SPRY3: variants seen among roughly 807,000 people sequenced by gnomAD.
SPRY3 encodes protein sprouty homolog 3.
Under a neutral mutation model 20.2 loss-of-function variants are expected in SPRY3, and 15 were observed. The ratio of observed to expected loss-of-function variants is 0.74; its 90% CI spans 0.50 to 1.14. The LOEUF (loss-of-function observed/expected upper bound fraction) is 1.14, where lower values mean the gene tolerates loss of function less well. Among genes scored for constraint, SPRY3 ranks in the 50% most tolerant of loss-of-function variants. The pLI, the probability that SPRY3 is intolerant of heterozygous loss-of-function variation, is 0.00. For synonymous variants in SPRY3, 143 were observed against 136.5 expected (o/e 1.05, Z -0.33); for missense variants, 364 against 363.9 (o/e 1.00, Z 0.00).
intron 1 of SPRY3, among the ~76,000 whole-genome samples, chrX:155,637,025 G>A (rs368906234): frequency 1.3e-5 from 1 of 77,851 alleles, no homozygotes; most frequent in Non-Finnish European, 2.4e-5. Flanking sequence ...CACACTCTGG[G>A]GACTGTTGTG....
chrX:155,767,738 G>GAGAAAGA (rs1320718596), intron 2 of SPRY3: 2 of 57,268 alleles, frequency 3.5e-5, no homozygotes, highest in Non-Finnish European at 3.2e-5. Context: ...GAGGAGGAGA[G>GAGAAAGA]AGAGGAGGAG....
chrX:155,695,723 T>G (rs2068116506), intron 2 of SPRY3, among the ~76,000 whole-genome samples: 1 of 111,315 alleles, frequency 9.0e-6, no homozygotes, highest in South Asian at 3.7e-4. Context: ...TTCTTTTTCC[T>G]CTGTCACCTC....
At chrX:155,711,886 T>A (rs2090989607) in intron 2 of SPRY3, among the ~76,000 whole-genome samples, 1 of 151,578 alleles carries the variant, frequency 6.6e-6, no homozygotes, top group African/African-American at 2.4e-5. Flanking sequence ...TCCCTTAGGT[T>A]TTGGTATGTT....
intron 2 of SPRY3, among the ~76,000 whole-genome samples, chrX:155,728,377 G>A (rs923866637): frequency 6.6e-6 from 1 of 152,230 alleles, no homozygotes; most frequent in African/African-American, 2.4e-5. Flanking sequence ...GTCTGCACAA[G>A]TTTCTGCTGC....
chrX:155,749,826 T>A (rs1569395028), intron 2 of SPRY3, among the ~76,000 whole-genome samples: 1 of 151,870 alleles, frequency 6.6e-6, no homozygotes, highest in Non-Finnish European at 1.5e-5. Flanking sequence ...GTTTTGGACA[T>A]GTTAACTAGG....
Position 155,659,104 on chromosome X carries a change from CTTCTTTCTTTCTTTCTTTCT to C in SPRY3, c.-282+2114_-282+2133del, listed in dbSNP as rs199567564. 2.9e-4 allele frequency among the ~76,000 whole-genome samples: 24 copies of C among 83,946 alleles called. No homozygotes were observed. The South Asian group carries it at 0.011, about 38-fold the overall frequency. The allele number at this position is 83,946 out of a possible 115,157, so 72.9% of individuals were successfully genotyped here. ...TTTTGCTAGGGTTCTTTTTTTCTTT[CTTCTTTCTTTCTTTCTTTCT>C]TTCTTTCTTTCTTTCTTTCTTTCTT... On this transcript the variant is annotated intron_variant, in intron 2 of 3. Coordinates refer to ENST00000675360, the Ensembl canonical transcript of SPRY3.
At chrX:155,687,719 G>A (rs764843104) in intron 2 of SPRY3, among the ~76,000 whole-genome samples, 47 of 112,248 alleles carry the variant, frequency 4.2e-4, no homozygotes, top group African/African-American at 1.5e-3. Flanking sequence ...TTACTTGAAC[G>A]AGATTACTGG....
intron 1 of SPRY3, among the ~76,000 whole-genome samples, chrX:155,627,520 A>G (rs2067892212): frequency 8.9e-6 from 1 of 112,003 alleles, no homozygotes; most frequent in Admixed American, 9.5e-5. Flanking sequence ...GTTTTATTCC[A>G]TATCTTGGCT....
intron 2 of SPRY3, among the ~76,000 whole-genome samples, chrX:155,668,848 T>C (rs112438651): frequency 0.017 from 1,897 of 110,932 alleles, 54 homozygotes; most frequent in African/African-American, 0.059. Flanking sequence ...GGATATTCTA[T>C]TTCTGCCCTC....
chrX:155,753,384 A>T (rs988745077), intron 2 of SPRY3, among the ~76,000 whole-genome samples: 2 of 151,810 alleles, frequency 1.3e-5, no homozygotes, highest in African/African-American at 4.8e-5. Context: ...ATTTATTGTG[A>T]TGTTTTCAAG....
At chrX:155,719,968 G>A (rs2091045752) in intron 2 of SPRY3, among the ~76,000 whole-genome samples, 1 of 152,090 alleles carries the variant, frequency 6.6e-6, no homozygotes, top group Non-Finnish European at 1.5e-5. Context: ...TCAGCCACAA[G>A]GGGGTGAAGC....
intron 2 of SPRY3, among the ~76,000 whole-genome samples, chrX:155,741,825 T>C (rs1416814451): frequency 6.6e-6 from 1 of 152,128 alleles, no homozygotes; most frequent in East Asian, 1.9e-4. Context: ...AGGCCTCCCT[T>C]GCAAGAGCTC....
intron 2 of SPRY3, among the ~76,000 whole-genome samples, chrX:155,745,788 G>A (rs1191016748): frequency 6.6e-6 from 1 of 152,024 alleles, no homozygotes; most frequent in African/African-American, 2.4e-5. Context: ...ATATACATTA[G>A]TTATTAATAT....
rs1190875996 is a variant in SPRY3, at chrX:155,708,474, G to C, written c.-282+51449G>C. 2.6e-5 allele frequency among the ~76,000 whole-genome samples: 4 copies of C among 151,248 alleles called. No homozygotes were observed. The East Asian group carries it at 5.8e-4, about 22-fold the overall frequency. ...CTTTGTTACTTAGCATCTTGACTAG[G>C]ATGTGTCCAGGTGTGGCTGTTTGTA... is the stretch of plus-strand genomic sequence containing the variant. On this transcript the variant is annotated intron_variant, in intron 2 of 3. Coordinates refer to ENST00000675360, the Ensembl canonical transcript of SPRY3.
At chrX:155,709,901 C>A (rs2090974628) in intron 2 of SPRY3, among the ~76,000 whole-genome samples, 1 of 151,772 alleles carries the variant, frequency 6.6e-6, no homozygotes, top group South Asian at 2.1e-4. Context: ...TTCCCCTCAG[C>A]ATTTATTGAA....
intron 1 of SPRY3, among the ~76,000 whole-genome samples, chrX:155,633,762 T>C (rs1286943091): frequency 8.9e-6 from 1 of 111,888 alleles, no homozygotes; most frequent in African/African-American, 3.3e-5. Context: ...GAATATATAA[T>C]TGGAGTAGAC....
chrX:155,740,256 T>C (rs2091196919), intron 2 of SPRY3, among the ~76,000 whole-genome samples: 1 of 152,178 alleles, frequency 6.6e-6, no homozygotes, highest in Non-Finnish European at 1.5e-5. Flanking sequence ...ACATTTGTGT[T>C]TGAACAATAT....
At chrX:155,729,105 A>G (rs1186360789) in intron 2 of SPRY3, among the ~76,000 whole-genome samples, 1 of 152,180 alleles carries the variant, frequency 6.6e-6, no homozygotes, top group Non-Finnish European at 1.5e-5. Context: ...AGACCCAAAT[A>G]CAATAATAGC....
intron 1 of SPRY3, among the ~76,000 whole-genome samples, chrX:155,647,217 T>C (rs1426371783): frequency 8.9e-6 from 1 of 111,851 alleles, no homozygotes. Flanking sequence ...TAATATCTGG[T>C]TTGTATATTT....
Sources: allele counts gnomAD v4.1 joint callset (sites outside exome capture counted in the v4.1 genomes callset), GRCh38; gene constraint gnomAD v4.1.1; transcripts MANE v1.5; gene names NCBI Gene and HGNC (gene_info 2026-07-23, HGNC 2026-07-21).